Variants in RERE observed in about 807,000 individuals in gnomAD.
The protein encoded by RERE is arginine-glutamic acid dipeptide repeats.
RERE carries 40 observed loss-of-function variants against 146.1 expected under a neutral mutation model. The ratio of observed to expected loss-of-function variants is 0.27; its 90% CI spans 0.21 to 0.36. The LOEUF (loss-of-function observed/expected upper bound fraction) is 0.36, where lower values mean the gene tolerates loss of function less well. Among genes scored for constraint, RERE ranks in the 10% least tolerant of loss-of-function variants. RERE has a pLI of 1.00. For synonymous variants in RERE, 1,003 were observed against 866.0 expected (o/e 1.16, Z -2.78); for missense variants, 1,933 against 2,138.7 (o/e 0.90, Z 1.90).
intron 4 of RERE, among the ~76,000 whole-genome samples, chr1:8,590,621 G>C (rs186629150): frequency 6.6e-6 from 1 of 152,280 alleles, no homozygotes; most frequent in Admixed American, 6.5e-5. Context: ...TACCTATGCT[G>C]CTGGAAATAG....
At chr1:8,756,306 G>C (rs1640638074) in intron 1 of RERE, among the ~76,000 whole-genome samples, 1 of 152,148 alleles carries the variant, frequency 6.6e-6, no homozygotes, top group Non-Finnish European at 1.5e-5. Context: ...TATAACTAAA[G>C]TGACTACTGC....
At chr1:8,403,319 A>G (rs1299541308) in intron 12 of RERE, among the ~76,000 whole-genome samples, 1 of 152,026 alleles carries the variant, frequency 6.6e-6, no homozygotes, top group African/African-American at 2.4e-5. Flanking sequence ...TAGCCCTTAC[A>G]TGTGTGGGTT....
chr1:8,372,281 G>A (rs1642068333), intron 12 of RERE, among the ~76,000 whole-genome samples: 2 of 152,172 alleles, frequency 1.3e-5, no homozygotes, highest in Non-Finnish European at 2.9e-5. Flanking sequence ...TGACATGGAG[G>A]CAGGAGAAGG....
At chr1:8,783,837 G>A (rs961141449) in intron 1 of RERE, among the ~76,000 whole-genome samples, 2 of 152,070 alleles carry the variant, frequency 1.3e-5, no homozygotes, top group Non-Finnish European at 2.9e-5. Context: ...AGACATCGTA[G>A]ACTGAATGGG....
chr1:8,452,021 A>G (rs1052024230), intron 11 of RERE, among the ~76,000 whole-genome samples: 6 of 152,158 alleles, frequency 3.9e-5, no homozygotes, highest in African/African-American at 1.4e-4. Context: ...TCCCCCACCC[A>G]TAAGCTTCAT....
chr1:8,718,879 G>A (rs1639809446), intron 1 of RERE, among the ~76,000 whole-genome samples: 1 of 152,172 alleles, frequency 6.6e-6, no homozygotes, highest in Admixed American at 6.5e-5. Context: ...GCCTTGGATG[G>A]AGTGCACAGC....
chr1:8,421,954 G>C (rs1380073501), intron 12 of RERE, among the ~76,000 whole-genome samples: 1 of 151,816 alleles, frequency 6.6e-6, no homozygotes, highest in African/African-American at 2.4e-5. Context: ...CCTAGCCAGA[G>C]GGAAGACTCT....
At chr1:8,402,148 T>C (rs552538062) in intron 12 of RERE, among the ~76,000 whole-genome samples, 4 of 152,112 alleles carry the variant, frequency 2.6e-5, no homozygotes, top group Non-Finnish European at 5.9e-5. Context: ...ATTACAGGAG[T>C]GAGCCGCTGC....
chr1:8,382,055 T>C (rs1241395642), intron 12 of RERE, among the ~76,000 whole-genome samples: 1 of 152,192 alleles, frequency 6.6e-6, no homozygotes, highest in Non-Finnish European at 1.5e-5. Context: ...AATCTTCCTC[T>C]AAGGATTAGT....
At chr1:8,664,338 G>A (rs1417728866) in intron 1 of RERE, among the ~76,000 whole-genome samples, 1 of 152,038 alleles carries the variant, frequency 6.6e-6, no homozygotes, top group Admixed American at 6.6e-5. Flanking sequence ...TAGAAGTTCT[G>A]TTGGGGCACT....
chr1:8,512,219 G>A (rs921492871), intron 7 of RERE, among the ~76,000 whole-genome samples: 7 of 147,466 alleles, frequency 4.7e-5, no homozygotes, highest in African/African-American at 1.8e-4. Flanking sequence ...ATTTTTAGTA[G>A]AGACGGGGTT....
At chr1:8,698,502 T>G (rs1178625821) in intron 1 of RERE, among the ~76,000 whole-genome samples, 1 of 152,222 alleles carries the variant, frequency 6.6e-6, no homozygotes, top group Non-Finnish European at 1.5e-5. Context: ...TACACTCTTT[T>G]GTTCCTTTGA....
intron 4 of RERE, among the ~76,000 whole-genome samples, chr1:8,595,998 G>A (rs2124118740): frequency 6.6e-6 from 1 of 152,306 alleles, no homozygotes; most frequent in Non-Finnish European, 1.5e-5. Flanking sequence ...CAGGCCCACA[G>A]GCCATGTCCA....
intron 1 of RERE, among the ~76,000 whole-genome samples, chr1:8,763,017 C>T (rs1640783898): frequency 6.6e-6 from 1 of 151,996 alleles, no homozygotes; most frequent in African/African-American, 2.4e-5. Flanking sequence ...AAGTTAGGGT[C>T]CAGTAAGCTT....
At chr1:8,457,599 A>ATATT (rs925793782) in intron 11 of RERE, among the ~76,000 whole-genome samples, 20 of 151,828 alleles carry the variant, frequency 1.3e-4, no homozygotes, top group Non-Finnish European at 2.1e-4. Context: ...CTTACTTTAT[A>ATATT]TATTTATTTA....
At chr1:8,371,752 C>T (rs1299268304) in intron 12 of RERE, among the ~76,000 whole-genome samples, 1 of 152,252 alleles carries the variant, frequency 6.6e-6, no homozygotes, top group Non-Finnish European at 1.5e-5. Context: ...GCTGGAGCAA[C>T]AGGGGCCGGG....
At chr1:8,526,347 G>A in intron 7 of RERE, among the ~76,000 whole-genome samples, 1 of 145,022 alleles carries the variant, frequency 6.9e-6, no homozygotes, top group African/African-American at 2.6e-5. Context: ...AGATCACCAA[G>A]AAATAGAATC....
intron 4 of RERE, among the ~76,000 whole-genome samples, chr1:8,560,891 G>T (rs949657560): frequency 1.3e-5 from 2 of 152,152 alleles, no homozygotes; most frequent in African/African-American, 4.8e-5. Context: ...CAGGAGTCCA[G>T]ATCTACTAGC....
chr1:8,509,165 C>T (rs947777308), intron 7 of RERE, among the ~76,000 whole-genome samples: 2 of 152,054 alleles, frequency 1.3e-5, no homozygotes, highest in East Asian at 1.9e-4. Context: ...AGGCTGGTCT[C>T]GAACTCCTGA....
Sources: allele counts gnomAD v4.1 joint callset (sites outside exome capture counted in the v4.1 genomes callset), GRCh38; gene constraint gnomAD v4.1.1; transcripts MANE v1.5; gene names NCBI Gene and HGNC (gene_info 2026-07-23, HGNC 2026-07-21).